OPCML: variants seen among roughly 807,000 people sequenced by gnomAD.
OPCML encodes opioid binding protein/cell adhesion molecule like.
OPCML carries 13 observed loss-of-function variants against 37.8 expected under a neutral mutation model. The observed-to-expected ratio is 0.34, with a 90% CI of 0.22 to 0.55. OPCML has a LOEUF of 0.55. Among genes scored for constraint, OPCML ranks in the 20% least tolerant of loss-of-function variants. OPCML has a pLI of 0.91. For synonymous variants in OPCML, 176 were observed against 168.8 expected, an observed-to-expected ratio of 1.04 and a Z score of -0.33; for missense variants, 341 against 435.6, an observed-to-expected ratio of 0.78 and a Z score of 1.93.
intron 4 of OPCML, among the ~76,000 whole-genome samples, chr11:132,499,269 C>G (rs1462338859): frequency 1.3e-5 from 2 of 152,154 alleles, no homozygotes; most frequent in Admixed American, 1.3e-4. Context: ...GAGCAGTCTG[C>G]AAAGACAATC....
At chr11:133,150,506 T>C (rs566348588) in intron 1 of OPCML, among the ~76,000 whole-genome samples, 8 of 152,324 alleles carry the variant, frequency 5.3e-5, no homozygotes, top group African/African-American at 1.7e-4. Flanking sequence ...CCCATGGCTG[T>C]TGTTTTCGGA....
chr11:133,351,734 G>T (rs1339764782), intron 1 of OPCML, among the ~76,000 whole-genome samples: 2 of 151,926 alleles, frequency 1.3e-5, no homozygotes, highest in Non-Finnish European at 2.9e-5. Flanking sequence ...TCATTCAAAT[G>T]CACACTTGAA....
chr11:132,510,365 G>A (rs912206585), intron 4 of OPCML, among the ~76,000 whole-genome samples: 1 of 152,088 alleles, frequency 6.6e-6, no homozygotes, highest in African/African-American at 2.4e-5. Context: ...AGACTTTGGG[G>A]GACTGTTGGG....
chr11:133,406,566 G>T (rs1306939596), intron 1 of OPCML, among the ~76,000 whole-genome samples: 1 of 152,178 alleles, frequency 6.6e-6, no homozygotes, highest in African/African-American at 2.4e-5. Context: ...GCTTTCCCTG[G>T]GTTGCCCATT....
intron 1 of OPCML, among the ~76,000 whole-genome samples, chr11:133,011,917 C>T (rs139461230): frequency 3.0e-4 from 46 of 152,232 alleles, no homozygotes; most frequent in African/African-American, 1.1e-3. Context: ...CTAGTGCTGC[C>T]ATTGTAGGTC....
intron 1 of OPCML, among the ~76,000 whole-genome samples, chr11:133,415,343 G>A (rs1945737773): frequency 2.0e-5 from 3 of 151,698 alleles, no homozygotes; most frequent in Admixed American, 2.0e-4. Flanking sequence ...CCAGGAGGCA[G>A]AACTTGCAGT....
intron 1 of OPCML, among the ~76,000 whole-genome samples, chr11:133,248,800 T>A (rs1941035317): frequency 6.6e-6 from 1 of 152,166 alleles, no homozygotes. Context: ...AATGGTGGTG[T>A]CAGAGAGTGG....
At chr11:132,544,716 GA>G (rs1343855262) in intron 3 of OPCML, among the ~76,000 whole-genome samples, 1 of 152,140 alleles carries the variant, frequency 6.6e-6, no homozygotes, top group Admixed American at 6.5e-5. Context: ...CACTTTTGCT[GA>G]AAAACCTCTT....
At chr11:132,694,179 CTTTTTT>C (rs1162305568) in intron 2 of OPCML, among the ~76,000 whole-genome samples, 59 of 42,986 alleles carry the variant, frequency 1.4e-3, no homozygotes, top group South Asian at 4.7e-3. Context: ...AAATCAATGT[CTTTTTT>C]TTTTTTTTTT....
At chr11:132,807,087 A>T (rs1166385856) in intron 2 of OPCML, among the ~76,000 whole-genome samples, 1 of 152,184 alleles carries the variant, frequency 6.6e-6, no homozygotes, top group African/African-American at 2.4e-5. Context: ...CTTACAATAA[A>T]ATAAAAATCT....
chr11:133,015,078 T>C (rs1250633071), intron 1 of OPCML, among the ~76,000 whole-genome samples: 1 of 152,194 alleles, frequency 6.6e-6, no homozygotes, highest in Admixed American at 6.5e-5. Flanking sequence ...CAGCATAATG[T>C]TCTCTTCTAA....
At chr11:132,650,391 A>G (rs1284549198) in intron 3 of OPCML, among the ~76,000 whole-genome samples, 1 of 152,202 alleles carries the variant, frequency 6.6e-6, no homozygotes, top group Admixed American at 6.5e-5. Context: ...TTACACTGAC[A>G]AGTTGTCACA....
rs758932392 is a variant in OPCML, at chr11:133,200,268, C to A, written c.62-257258G>T. 2.0e-5 allele frequency among the ~76,000 whole-genome samples: 3 copies of A among 152,196 alleles called. No individual in the cohort carries two copies. In the East Asian group the frequency reaches 5.8e-4, roughly 29 times the overall value. On this transcript the variant is annotated intron_variant, in intron 1 of 7. Coordinates refer to ENST00000524381, the MANE Select transcript of OPCML (RefSeq NM_001012393.5). ...CATGTCACGTGGGCAGAGATTGGCA[C>A]ACTGATTTCTACATTTATATGCACC...
intron 2 of OPCML, among the ~76,000 whole-genome samples, chr11:132,735,914 T>C (rs1945240522): frequency 6.6e-6 from 1 of 152,026 alleles, no homozygotes; most frequent in South Asian, 2.1e-4. Context: ...AAACACTCAG[T>C]TGTGAACAAG....
chr11:133,257,115 C>T lies in OPCML; in HGVS notation c.61+275149G>A, dbSNP rs112834679. Among the ~76,000 whole-genome samples the T allele has an allele frequency of 3.4e-3, 514 of 152,340 alleles. 3 individuals are homozygous for T. The highest frequency in any genetic ancestry group is 0.012 in the African/African-American group (484 of 41,576). On this transcript the variant is annotated intron_variant, in intron 1 of 7. Transcript: ENST00000524381. Reference sequence around the variant, plus strand: ...GCAATCAGCTCTTTGCACCCTACCTCGGTCCACTCCAGAACACCACTGTCC... The same window carrying T: ...GCAATCAGCTCTTTGCACCCTACCTTGGTCCACTCCAGAACACCACTGTCC...
chr11:132,806,703 C>T (rs2136216140), intron 2 of OPCML, among the ~76,000 whole-genome samples: 1 of 152,128 alleles, frequency 6.6e-6, no homozygotes, highest in Middle Eastern at 3.4e-3. Context: ...GAAATGTAGG[C>T]AAATATGAGG....
chr11:132,578,631 T>C (rs2096455951), intron 3 of OPCML, among the ~76,000 whole-genome samples: 1 of 152,206 alleles, frequency 6.6e-6, no homozygotes, highest in South Asian at 2.1e-4. Context: ...GTTCAGAATG[T>C]TAAAAATAAA....
rs771718916 is a variant in OPCML, at chr11:133,327,334, A to G, written c.61+204930T>C. Among the ~76,000 whole-genome samples, 119 of 151,894 alleles carry G rather than the reference A, an allele frequency of 7.8e-4. 2 individuals carry two copies. The highest frequency in any genetic ancestry group is 2.0e-4 in the Admixed American group (3 of 15,242). ...GAAGGATCCATTTGTATATTTTGGC[A>G]CCAGGTTTTTGTGCAGACTCTAGGA... On this transcript the variant is annotated intron_variant, in intron 1 of 7. Coordinates refer to ENST00000524381, the MANE Select transcript of OPCML (RefSeq NM_001012393.5).
intron 1 of OPCML, among the ~76,000 whole-genome samples, chr11:133,491,655 G>T (rs565649807): frequency 6.6e-6 from 1 of 152,242 alleles, no homozygotes; most frequent in East Asian, 1.9e-4. Context: ...TGTGACTGAG[G>T]CAGGCTGCAG....
Sources: gnomAD v4.1 joint callset for allele counts (sites outside exome capture counted in the v4.1 genomes callset) on GRCh38, gnomAD v4.1.1 for gene constraint, MANE v1.5 for transcripts, NCBI Gene and HGNC (gene_info 2026-07-23, HGNC 2026-07-21) for gene names.